The following SLAMF6 variants were observed in gnomAD, a reference collection of about 807,000 sequenced individuals.
SLAMF6 encodes the protein SLAM family member 6.
In SLAMF6, 21 loss-of-function variants were observed where a neutral mutation model predicts 38.3. That is an observed-to-expected ratio of 0.55 (90% CI 0.39 to 0.79). The LOEUF is 0.79. Ranked by LOEUF, SLAMF6 falls within the 30% of genes least tolerant of loss-of-function variation. The pLI is 0.00. For synonymous variants in SLAMF6, 152 were observed against 146.3 expected (o/e 1.04, Z -0.28); for missense variants, 341 against 385.3 (o/e 0.89, Z 0.96).
At chr1:160,506,414 A>G (rs1654192050) in intron 1 of SLAMF6, among the ~76,000 whole-genome samples, 1 of 152,212 alleles carries the variant, frequency 6.6e-6, no homozygotes, top group Admixed American at 6.5e-5. Context: ...AGAATTCTAC[A>G]TCTGAAAAAA....
chr1:160,487,213 A>T (rs1653012992), intron 6 of SLAMF6, 38 bp from the exon 7 acceptor site: 1 of 1,550,708 alleles, frequency 6.4e-7, no homozygotes, highest in Non-Finnish European at 8.9e-7. Context: ...TTACACAGAG[A>T]CAAAGAGATT....
intron 1 of SLAMF6, among the ~76,000 whole-genome samples, chr1:160,503,292 C>G (rs1436675927): frequency 6.6e-6 from 1 of 152,082 alleles, no homozygotes; most frequent in Non-Finnish European, 1.5e-5. Context: ...GACAAGTCAT[C>G]AATAAATGAG....
intron 1 of SLAMF6, among the ~76,000 whole-genome samples, chr1:160,505,236 A>G (rs544568233): frequency 6.6e-6 from 1 of 152,350 alleles, no homozygotes; most frequent in East Asian, 1.9e-4. Flanking sequence ...GAAGGGGAAG[A>G]GTCTGATTTC....
intron 1 of SLAMF6, 129 bp downstream of exon 1, chr1:160,523,015 A>G: frequency 1.1e-6 from 1 of 914,042 alleles, no homozygotes; most frequent in South Asian, 1.5e-5. Flanking sequence ...TAACACTGCC[A>G]GCGTCCCCTT....
intron 1 of SLAMF6, among the ~76,000 whole-genome samples, chr1:160,521,524 G>T (rs1037610350): frequency 5.9e-5 from 9 of 152,140 alleles, no homozygotes; most frequent in African/African-American, 2.2e-4. Context: ...TCTGCTCCTA[G>T]ATCAGGAAGT....
chr1:160,518,830 T>A (rs1654862912), intron 1 of SLAMF6, among the ~76,000 whole-genome samples: 1 of 152,018 alleles, frequency 6.6e-6, no homozygotes, highest in Non-Finnish European at 1.5e-5. Flanking sequence ...GCTTAATACT[T>A]AGGTGAGGTT....
intron 1 of SLAMF6, among the ~76,000 whole-genome samples, chr1:160,516,870 T>C (rs1166988814): frequency 6.6e-6 from 1 of 152,150 alleles, no homozygotes; most frequent in Non-Finnish European, 1.5e-5. Context: ...CAAGATAGAT[T>C]AAAGACTTAA....
intron 1 of SLAMF6, among the ~76,000 whole-genome samples, chr1:160,509,524 G>T (rs1021981148): frequency 6.6e-6 from 1 of 152,098 alleles, no homozygotes; most frequent in African/African-American, 2.4e-5. Context: ...AGCTGGGGGA[G>T]GGATAGCATT....
At chr1:160,498,617 AG>A (rs1653721323) in intron 1 of SLAMF6, among the ~76,000 whole-genome samples, 1 of 152,188 alleles carries the variant, frequency 6.6e-6, no homozygotes, top group Non-Finnish European at 1.5e-5. Flanking sequence ...ACCTCCTACC[AG>A]GTCCCTCCCA....
intron 1 of SLAMF6, 51 bp from the exon 2 acceptor site, chr1:160,496,444 C>T: frequency 1.9e-6 from 3 of 1,569,108 alleles, no homozygotes; most frequent in Non-Finnish European, 2.6e-6. Flanking sequence ...CATCTCCCTG[C>T]CAAGTCCTGC....
intron 1 of SLAMF6, among the ~76,000 whole-genome samples, chr1:160,513,344 T>A (rs979872240): frequency 6.6e-6 from 1 of 152,132 alleles, no homozygotes; most frequent in African/African-American, 2.4e-5. Context: ...AAACAAAATC[T>A]CTGAGAATTA....
chr1:160,497,571 A>T (rs1196320557), intron 1 of SLAMF6, among the ~76,000 whole-genome samples: 1 of 152,148 alleles, frequency 6.6e-6, no homozygotes, highest in Non-Finnish European at 1.5e-5. Flanking sequence ...ACATGGGTAT[A>T]TCACACCCAG....
chr1:160,494,098 T>C (rs1653442721), intron 2 of SLAMF6, among the ~76,000 whole-genome samples: 1 of 152,184 alleles, frequency 6.6e-6, no homozygotes, highest in South Asian at 2.1e-4. Context: ...TCTTTGCCAT[T>C]CATATCCTGG....
At chr1:160,520,660 C>G (rs1654944928) in intron 1 of SLAMF6, among the ~76,000 whole-genome samples, 1 of 152,042 alleles carries the variant, frequency 6.6e-6, no homozygotes, top group African/African-American at 2.4e-5. Flanking sequence ...GTTTTGCCAC[C>G]CAGGGCTTGA....
At chr1:160,489,538 T>C (rs1427406953) in intron 5 of SLAMF6, among the ~76,000 whole-genome samples, 1 of 152,186 alleles carries the variant, frequency 6.6e-6, no homozygotes, top group African/African-American at 2.4e-5. Context: ...TTTGGGATAT[T>C]ATTAAGCTTT....
At chr1:160,504,906 A>G (rs1654103777) in intron 1 of SLAMF6, among the ~76,000 whole-genome samples, 1 of 152,216 alleles carries the variant, frequency 6.6e-6, no homozygotes, top group Non-Finnish European at 1.5e-5. Context: ...CTAAGATTTT[A>G]TCTATGGCTG....
At chr1:160,503,688 A>C (rs1282916274) in intron 1 of SLAMF6, among the ~76,000 whole-genome samples, 1 of 152,136 alleles carries the variant, frequency 6.6e-6, no homozygotes, top group Non-Finnish European at 1.5e-5. Context: ...CTCCACAAAA[A>C]ACATGCACAC....
intron 6 of SLAMF6, 85 bp downstream of exon 6, chr1:160,489,003 G>T: frequency 3.1e-6 from 4 of 1,281,514 alleles, no homozygotes; most frequent in South Asian, 1.2e-5. Context: ...GTGGTCATTT[G>T]TTCAGTCAGA....
At chr1:160,517,391 C>T (rs1443896556) in intron 1 of SLAMF6, among the ~76,000 whole-genome samples, 1 of 152,134 alleles carries the variant, frequency 6.6e-6, no homozygotes, top group East Asian at 1.9e-4. Context: ...AATAGGAACA[C>T]TTTTACACTG....
Sources: allele counts gnomAD v4.1 joint callset (sites outside exome capture counted in the v4.1 genomes callset), GRCh38; gene constraint gnomAD v4.1.1; transcripts MANE v1.5; gene names NCBI Gene and HGNC (gene_info 2026-07-23, HGNC 2026-07-21).